UNC5D: variants seen among roughly 807,000 people sequenced by gnomAD.
The protein encoded by UNC5D is netrin receptor UNC5D.
UNC5D carries 39 observed loss-of-function variants against 105.4 expected under a neutral mutation model. The ratio of observed to expected loss-of-function variants is 0.37; its 90% confidence interval spans 0.29 to 0.48. UNC5D has a LOEUF of 0.48. Among genes scored for constraint, UNC5D ranks in the 20% least tolerant of loss-of-function variants. UNC5D has a pLI of 0.98. For missense variants in UNC5D, 991 were observed against 1,202.4 expected, an observed-to-expected ratio of 0.82 and a Z score of 2.60; for synonymous variants, 452 against 450.4, an observed-to-expected ratio of 1.00 and a Z score of -0.04.
chr8:35,285,418 G>T (rs186548001), intron 1 of UNC5D, among the ~76,000 whole-genome samples: 2 of 152,244 alleles, frequency 1.3e-5, no homozygotes, highest in Admixed American at 6.5e-5. Context: ...AGTAGTAATT[G>T]GTTTCAGATG....
chr8:35,771,872 C>A (rs1802026167), intron 15 of UNC5D, among the ~76,000 whole-genome samples: 2 of 152,124 alleles, frequency 1.3e-5, no homozygotes, highest in African/African-American at 4.8e-5. Context: ...TCACAAACTA[C>A]CTGGGTGAAT....
chr8:35,686,736 G>A lies in UNC5D; in HGVS notation c.1084+27G>A, dbSNP rs529187373. 7 of 1,539,994 alleles carry A rather than the reference G, an allele frequency of 4.5e-6. No individual in the cohort carries two copies. In the East Asian group the frequency reaches 1.5e-4, roughly 33 times the overall value. ...TAACACTTTTGCTTTAACATCTTCAGTGTTTGTTCATAATACCATTTATGC... is the reference window on the plus strand; with the variant it reads ...TAACACTTTTGCTTTAACATCTTCAATGTTTGTTCATAATACCATTTATGC... On this transcript the variant is annotated intron_variant, in intron 7 of 16. Coordinates refer to ENST00000404895, the MANE Select transcript of UNC5D (RefSeq NM_080872.4).
chr8:35,545,686 A>G (rs1379733495), intron 1 of UNC5D, among the ~76,000 whole-genome samples: 3 of 151,888 alleles, frequency 2.0e-5, no homozygotes, highest in Admixed American at 6.6e-5. Context: ...CACCTACCTC[A>G]TTTTTTAGAC....
chr8:35,700,824 T>G (rs1443073946), intron 7 of UNC5D, among the ~76,000 whole-genome samples: 1 of 152,202 alleles, frequency 6.6e-6, no homozygotes, highest in African/African-American at 2.4e-5. Context: ...AGAGGCAATG[T>G]GGAGTCATGT....
At chr8:35,768,847 G>A (rs1168210771) in intron 15 of UNC5D, among the ~76,000 whole-genome samples, 1 of 152,160 alleles carries the variant, frequency 6.6e-6, no homozygotes, top group Non-Finnish European at 1.5e-5. Flanking sequence ...AGGCAAGTAT[G>A]AGAATAATAT....
At chr8:35,723,542 C>T (rs944901663) in intron 9 of UNC5D, among the ~76,000 whole-genome samples, 3 of 151,922 alleles carry the variant, frequency 2.0e-5, no homozygotes, top group African/African-American at 7.3e-5. Context: ...ACTACAGGCA[C>T]ATGCCACCAC....
chr8:35,503,429 C>T (rs1172945152), intron 1 of UNC5D, among the ~76,000 whole-genome samples: 2 of 152,112 alleles, frequency 1.3e-5, no homozygotes, highest in South Asian at 4.1e-4. Context: ...AGCATGAGAG[C>T]AGTATGGGGG....
At chr8:35,529,990 A>C (rs1394933442) in intron 1 of UNC5D, among the ~76,000 whole-genome samples, 1 of 150,880 alleles carries the variant, frequency 6.6e-6, no homozygotes, top group African/African-American at 2.4e-5. Flanking sequence ...GTCATCTGCA[A>C]ACAGGGACAA....
At chr8:35,258,417 G>T (rs1051807473) in intron 1 of UNC5D, among the ~76,000 whole-genome samples, 2 of 152,160 alleles carry the variant, frequency 1.3e-5, no homozygotes, top group Non-Finnish European at 2.9e-5. Context: ...AATAGTGGCA[G>T]AGCACACAGT....
At chr8:35,374,678 C>T (rs1385668773) in intron 1 of UNC5D, among the ~76,000 whole-genome samples, 1 of 152,220 alleles carries the variant, frequency 6.6e-6, no homozygotes, top group Admixed American at 6.5e-5. Flanking sequence ...TTTAATCTTC[C>T]TCTGCCTTCT....
intron 11 of UNC5D, among the ~76,000 whole-genome samples, chr8:35,742,573 C>T (rs932196039): frequency 5.3e-5 from 8 of 152,006 alleles, no homozygotes; most frequent in Non-Finnish European, 1.2e-4. Flanking sequence ...AGAATATAGA[C>T]CACAAGGAGG....
chr8:35,746,368 G>A (rs1830007773), intron 11 of UNC5D, among the ~76,000 whole-genome samples: 1 of 152,040 alleles, frequency 6.6e-6, no homozygotes, highest in African/African-American at 2.4e-5. Flanking sequence ...TAATTGTGGG[G>A]AGAAAAAAAT....
At chr8:35,744,098 G>A (rs976682428) in intron 11 of UNC5D, among the ~76,000 whole-genome samples, 1 of 152,212 alleles carries the variant, frequency 6.6e-6, no homozygotes, top group Non-Finnish European at 1.5e-5. Context: ...CAGCTTTGAA[G>A]AGTGCAGGTG....
intron 1 of UNC5D, among the ~76,000 whole-genome samples, chr8:35,433,892 A>G (rs1412331723): frequency 6.6e-6 from 1 of 151,634 alleles, no homozygotes; most frequent in African/African-American, 2.4e-5. Flanking sequence ...AAAATACTAT[A>G]TTCTCATTTA....
chr8:35,726,262 T>C lies in UNC5D; in HGVS notation c.1414T>C (p.Ser472Pro). Reference protein sequence around the residue: ...DPLDKELMTESSLFNPLSDIK... With the variant: ...DPLDKELMTEPSLFNPLSDIK... ...TCTGGACAAGGAGCTCATGACAGAG[T>C]CCTCACTCTTTAACCCTTTGTCGGA... Residue 472 changes from serine to proline, a missense_variant, in exon 10 of 17, where the codon TCC becomes CCC. By Grantham distance (74) the Ser-to-Pro change is moderately conservative. This residue lies in a region of UNC5D where 944 missense variants were observed against 1,131.6 expected (regional missense o/e 0.83). Coordinates refer to ENST00000404895, the MANE Select transcript of UNC5D (RefSeq NM_080872.4). The C allele has an allele frequency of 6.2e-7, 1 of 1,613,852 alleles. No individual in the cohort carries two copies. The highest frequency in any genetic ancestry group is 8.5e-7 in the Non-Finnish European group (1 of 1,179,962).
chr8:35,762,147 AT>A (rs902155968), intron 14 of UNC5D, among the ~76,000 whole-genome samples: 8 of 152,048 alleles, frequency 5.3e-5, no homozygotes, highest in African/African-American at 1.9e-4. Context: ...GGAAACTTCC[AT>A]TTTCTTCTGG....
chr8:35,708,563 A>G (rs1827746348), intron 8 of UNC5D, among the ~76,000 whole-genome samples: 1 of 152,216 alleles, frequency 6.6e-6, no homozygotes, highest in East Asian at 1.9e-4. Context: ...ACGCACCCCT[A>G]GAGTCAAACT....
chr8:35,680,636 T>G (rs1209722104), intron 4 of UNC5D, among the ~76,000 whole-genome samples: 1 of 152,212 alleles, frequency 6.6e-6, no homozygotes, highest in Non-Finnish European at 1.5e-5. Context: ...AGTTTTCAAT[T>G]TGAAGCCAAG....
rs118078507 is a variant in UNC5D, at chr8:35,485,895, C to T, written c.104-63397C>T. ...TCTTCCAGATGGTCCCCATTGTTTG[C>T]ACTAGTGTTGCAGGTATGAGTGGAA... On this transcript the variant is annotated intron_variant, in intron 1 of 16. Transcript: ENST00000404895. Among the ~76,000 whole-genome samples the T allele has an allele frequency of 5.5e-4, 84 of 152,302 alleles. No individual in the cohort carries two copies. The East Asian group carries it at 0.012, about 21-fold the overall frequency.
Sources: allele counts gnomAD v4.1 joint callset (sites outside exome capture counted in the v4.1 genomes callset), GRCh38; gene constraint gnomAD v4.1.1; regional missense constraint gnomAD v4.1.1; transcripts MANE v1.5; gene names NCBI Gene and HGNC (gene_info 2026-07-23, HGNC 2026-07-21).